The following CORO7 variants were observed in gnomAD, a reference collection of about 807,000 sequenced individuals.
The protein encoded by CORO7 is coronin-7.
Under a neutral mutation model 126.6 loss-of-function variants are expected in CORO7, and 107 were observed. The ratio of observed to expected loss-of-function variants is 0.85; its 90% CI spans 0.72 to 0.99. The LOEUF (loss-of-function observed/expected upper bound fraction) is 0.99. Among genes scored for constraint, CORO7 ranks in the 50% least tolerant of loss-of-function variants. The pLI is 0.00. For missense variants in CORO7, 1,314 were observed against 1,255.8 expected (o/e 1.05, Z -0.70); for synonymous variants, 603 against 536.8 (o/e 1.12, Z -1.70).
intron 9 of CORO7, among the ~76,000 whole-genome samples, chr16:4,371,189 C>T (rs566076813): frequency 3.2e-4 from 48 of 152,336 alleles, no homozygotes; most frequent in African/African-American, 8.4e-4. Flanking sequence ...CCTGACACAG[C>T]CCCTTCATCT....
chr16:4,364,899 C>A lies in CORO7; in HGVS notation c.920G>T (p.Ser307Ile), dbSNP rs765267381. The change falls in exon 12 of 28, where the codon AGC becomes ATC. Residue 307 changes from serine (S) to isoleucine (I), a missense_variant. Ser to Ile is a moderately radical substitution (Grantham distance 142). Transcript: ENST00000251166. Reference protein sequence around the residue: ...LSPVTQCVLESVLRGAALVPR... With the variant: ...LSPVTQCVLEIVLRGAALVPR... ...CACAAGGGCAGCCCCACGCAGCACGCTCTCCAGGACACACTGGGTCACTGT... is the reference window on the plus strand; with the variant it reads ...CACAAGGGCAGCCCCACGCAGCACGATCTCCAGGACACACTGGGTCACTGT... 215 of 1,610,702 alleles carry A rather than the reference C, an allele frequency of 1.3e-4. No individual in the cohort carries two copies. The highest frequency in any genetic ancestry group is 1.7e-4 in the Non-Finnish European group (202 of 1,179,060).
intron 20 of CORO7, 33 bp from the exon 21 acceptor site, chr16:4,360,396 C>G: frequency 6.2e-7 from 1 of 1,613,356 alleles, no homozygotes; most frequent in Non-Finnish European, 8.5e-7. Context: ...ACCCAGCCAG[C>G]ACCCCTGAAC....
intron 6 of CORO7, among the ~76,000 whole-genome samples, chr16:4,404,090 G>T (rs1346557997): frequency 6.6e-6 from 1 of 152,222 alleles, no homozygotes; most frequent in Non-Finnish European, 1.5e-5. Flanking sequence ...AAGACTGGGA[G>T]ATGCGGCTTC....
rs1458711788 is a variant in CORO7, at chr16:4,374,927, TGCTTGCCCCTGG to T, written c.786-9394_786-9383del. Among the ~76,000 whole-genome samples the T allele has an allele frequency of 9.9e-5, 15 of 151,054 alleles. No individual in the cohort carries two copies. The East Asian group carries it at 2.9e-3, about 29-fold the overall frequency. ...GCAGGTTAGGGCCTTACTAGATGGG[TGCTTGCCCCTGG>T]GTGGGGACAGGGCAGTGAGGAGGCC... On this transcript the variant is annotated intron_variant, in intron 9 of 27. Coordinates refer to ENST00000251166, the MANE Select transcript of CORO7 (RefSeq NM_024535.5).
intron 9 of CORO7, among the ~76,000 whole-genome samples, chr16:4,374,712 AG>A (rs2054657705): frequency 6.6e-6 from 1 of 152,144 alleles, no homozygotes; most frequent in East Asian, 1.9e-4. Flanking sequence ...CACAGACCCC[AG>A]GGGCGCCATT....
rs2054002538 is a variant in CORO7, at chr16:4,357,214, G to A, written c.2639C>T (p.Ser880Leu). The change falls in exon 26 of 28, where the codon TCA becomes TTA. Residue 880 changes from serine to leucine, a missense_variant. Transcript: ENST00000251166. Reference sequence around the variant, plus strand: ...AGACTTTTCTTCCAGGTACTGCGCTGAGGATGGGGCCCGACGAGCAGGGGC... The same window carrying A: ...AGACTTTTCTTCCAGGTACTGCGCTAAGGATGGGGCCCGACGAGCAGGGGC... The part of the protein sequence containing the change: ...REAPARRAPS[S>L]AQYLEEKSDQ... The A allele has an allele frequency of 6.2e-7, 1 of 1,613,840 alleles. No individual in the cohort carries two copies. Among genetic ancestry groups the A allele is most frequent in the African/African-American group, 1.3e-5 (1 of 74,868 alleles).
Position 4,402,241 on chromosome 16 carries a change from TTTG to T in CORO7, c.564+3247_564+3249del, listed in dbSNP as rs148154433. On this transcript the variant is annotated intron_variant, in intron 6 of 27. Coordinates refer to ENST00000251166, the MANE Select transcript of CORO7 (RefSeq NM_024535.5). ...GCGTGAGCCACTGCACCCGGCCAGT[TTTG>T]TTGTTGTTGTTGTTGTTGTTGTTTT... 3.2e-3 allele frequency among the ~76,000 whole-genome samples: 456 copies of T among 144,624 alleles called. 2 individuals carry two copies. Among genetic ancestry groups the T allele is most frequent in the African/African-American group, 0.011 (420 of 38,974 alleles). 94.9% of individuals were successfully genotyped at this position (144,624 alleles called of 152,430 possible). A position where few individuals can be genotyped will look rare whatever the true frequency, so the allele number is the denominator to read the frequency against.
At chr16:4,395,570 A>G (rs2055553717) in intron 6 of CORO7, among the ~76,000 whole-genome samples, 1 of 152,124 alleles carries the variant, frequency 6.6e-6, no homozygotes, top group Non-Finnish European at 1.5e-5. Flanking sequence ...GCTGCCTGAG[A>G]CCTACTCAGT....
At position 4,364,296 on chromosome 16, in the gene CORO7, C is replaced by G. The variant is rs142181518; in HGVS notation, c.1255G>C (p.Val419Leu). ...TAQPAVMETP[V>L]GDADASEGFS... ...CTTACGCTTGCGTCTGCATCACCCA[C>G]GGGTGTCTCCATCACCGCAGGCTGG... The change falls in exon 14 of 28, where the codon GTG becomes CTG. Residue 419 changes from valine (V) to leucine (L), a missense_variant. Val to Leu is a conservative substitution (Grantham distance 32, BLOSUM62 1). Transcript: ENST00000251166. 8 of 1,548,668 alleles carry G rather than the reference C, an allele frequency of 5.2e-6. No individual in the cohort carries two copies. The African/African-American group carries it at 9.7e-5, about 19-fold the overall frequency.
At chr16:4,375,761 T>G (rs749419034) in intron 9 of CORO7, among the ~76,000 whole-genome samples, 26 of 152,242 alleles carry the variant, frequency 1.7e-4, no homozygotes, top group Non-Finnish European at 2.8e-4. Context: ...GTACTGGGAT[T>G]ACAGGCGTGA....
Position 4,416,446 on chromosome 16 carries a change from G to C in CORO7, c.60+13C>G, listed in dbSNP as rs781038545. On this transcript the variant is annotated intron_variant, in intron 1 of 27. Transcript: ENST00000251166. ...CCCGAGGCGACAGCGCCCGGTCCTC[G>C]GGCCGGACTCACCTCGCGGCGGGGC... 2.6e-6 allele frequency: 4 copies of C among 1,567,304 alleles called. No homozygotes were observed. The highest frequency in any genetic ancestry group is 3.4e-6 in the Non-Finnish European group (4 of 1,161,620).
chr16:4,355,534 T>C (rs1445393129), intron 26 of CORO7, 162 bp from the exon 27 acceptor site: 4 of 726,936 alleles, frequency 5.5e-6, no homozygotes, highest in Middle Eastern at 4.0e-4. Flanking sequence ...AGTGGCGCGA[T>C]CTCGGCTCAC....
intron 19 of CORO7, 130 bp from the exon 20 acceptor site, chr16:4,360,678 G>A (rs1181771736): frequency 4.4e-6 from 6 of 1,360,210 alleles, no homozygotes; most frequent in Admixed American, 2.1e-5. Flanking sequence ...CCTCACTGCT[G>A]GTCTTGCCTC....
Position 4,355,157 on chromosome 16 carries a change from G to C in CORO7, c.*1C>G. 2.6e-6 allele frequency: 4 copies of C among 1,523,984 alleles called. No individual in the cohort carries two copies. Among genetic ancestry groups the C allele is most frequent in the Non-Finnish European group, 3.5e-6 (4 of 1,131,370 alleles). The allele number at this position is 1,523,984 out of a possible 1,614,324, so 94.4% of individuals were successfully genotyped here. A position where few individuals can be genotyped will look rare whatever the true frequency, so the allele number is the denominator to read the frequency against. ...TGAGGTGGAGGTGACGGGGGCGCAG[G>C]CTAGTCCTGGGGCGAAACACCAAGA... On this transcript the variant is annotated 3_prime_UTR_variant, in exon 28 of 28. Transcript: ENST00000251166.
In CORO7 at chr16:4,364,335, G is replaced by A. The variant is rs775538510; in HGVS notation, c.1216C>T (p.Leu406Phe). 2.6e-6 allele frequency: 4 copies of A among 1,537,068 alleles called. No homozygotes were observed. Among genetic ancestry groups the A allele is most frequent in the East Asian group, 2.3e-5 (1 of 44,046 alleles). The part of the protein sequence containing the change: ...TSCLVPPAEP[L>F]PDTAQPAVME... The stretch of plus-strand genomic sequence containing the variant: ...ACCGCAGGCTGGGCTGTGTCAGGGA[G>A]GGGCTCCGCAGGGGGCACCAGACAG... The change falls in exon 14 of 28, where the codon CTC (leucine) becomes TTC (phenylalanine). Residue 406 changes from leucine (L) to phenylalanine (F), a missense_variant. Coordinates refer to ENST00000251166, the MANE Select transcript of CORO7 (RefSeq NM_024535.5).
intron 9 of CORO7, 79 bp from the exon 10 acceptor site, chr16:4,365,624 A>G (rs1425809054): frequency 2.0e-6 from 3 of 1,523,006 alleles, no homozygotes; most frequent in African/African-American, 1.4e-5. Flanking sequence ...GGAGCCCAGG[A>G]CAGGCACCAC....
chr16:4,399,288 G>T (rs1177336063), intron 6 of CORO7, among the ~76,000 whole-genome samples: 1 of 152,210 alleles, frequency 6.6e-6, no homozygotes, highest in Non-Finnish European at 1.5e-5. Context: ...CGCATACTAT[G>T]CAGTCTTCAA....
chr16:4,408,362 A>T, intron 3 of CORO7, 111 bp from the exon 4 acceptor site: 1 of 1,450,748 alleles, frequency 6.9e-7, no homozygotes, highest in Non-Finnish European at 9.5e-7. Context: ...GAAACAGGCT[A>T]CAAGTCTACA....
chr16:4,360,227 G>C (rs772005585), intron 21 of CORO7, 51 bp downstream of exon 21: 2 of 1,609,980 alleles, frequency 1.2e-6, no homozygotes, highest in Non-Finnish European at 8.5e-7. Flanking sequence ...GTGGAGAAGG[G>C]GGACACAGGT....
Sources: gnomAD v4.1 joint callset for allele counts (sites outside exome capture counted in the v4.1 genomes callset) on GRCh38, gnomAD v4.1.1 for gene constraint, MANE v1.5 for transcripts, NCBI Gene and HGNC (gene_info 2026-07-23, HGNC 2026-07-21) for gene names.